Variants in NKAIN2 observed in about 807,000 individuals in gnomAD.
NKAIN2 encodes the protein sodium/potassium-transporting ATPase subunit beta-1-interacting protein 2.
NKAIN2 carries 14 observed loss-of-function variants against 32.6 expected under a neutral mutation model. That is an observed-to-expected ratio of 0.43 (90% CI 0.28 to 0.67). The LOEUF (loss-of-function observed/expected upper bound fraction) is 0.67, where lower values mean the gene tolerates loss of function less well. Ranked by LOEUF, NKAIN2 falls within the 30% of genes least tolerant of loss-of-function variation. The probability of loss-of-function intolerance (pLI) is 0.17; values close to 1 mark genes in which losing one functional copy is unlikely to be tolerated. For synonymous variants in NKAIN2, 80 were observed against 87.2 expected (o/e 0.92, Z 0.46); for missense variants, 198 against 258.3 (o/e 0.77, Z 1.60).
At chr6:124,390,791 C>G (rs1583174220) in intron 3 of NKAIN2, 3 of 152,170 alleles carry the variant, frequency 2.0e-5, no homozygotes, top group East Asian at 3.9e-4. Context: ...TGGAAGAAAG[C>G]ACCAGAACTG....
At chr6:124,180,270 A>T (rs903683531) in intron 1 of NKAIN2, among the ~76,000 whole-genome samples, 12 of 152,188 alleles carry the variant, frequency 7.9e-5, no homozygotes, top group African/African-American at 2.7e-4. Context: ...ACAATCCCAC[A>T]TGGCTGGGAA....
intron 3 of NKAIN2, among the ~76,000 whole-genome samples, chr6:124,639,712 A>G (rs1783914938): frequency 6.6e-6 from 1 of 152,188 alleles, no homozygotes; most frequent in African/African-American, 2.4e-5. Context: ...ATTCATGAAA[A>G]CATGGATGAG....
At chr6:124,778,772 G>A (rs1779097991) in intron 4 of NKAIN2, among the ~76,000 whole-genome samples, 3 of 151,788 alleles carry the variant, frequency 2.0e-5, no homozygotes, top group South Asian at 4.2e-4. Context: ...CTCAACCTCT[G>A]CCTGCTTAAA....
At chr6:124,218,415 C>G (rs1791603702) in intron 1 of NKAIN2, among the ~76,000 whole-genome samples, 1 of 151,982 alleles carries the variant, frequency 6.6e-6, no homozygotes, top group African/African-American at 2.4e-5. Flanking sequence ...TGAATTTATT[C>G]TCATATAAAT....
chr6:124,763,229 G>T (rs1349583765), intron 4 of NKAIN2, among the ~76,000 whole-genome samples: 1 of 152,188 alleles, frequency 6.6e-6, no homozygotes, highest in East Asian at 1.9e-4. Flanking sequence ...GTACAACATG[G>T]TGACTATATG....
intron 3 of NKAIN2, among the ~76,000 whole-genome samples, chr6:124,592,407 A>G (rs1781944553): frequency 6.6e-6 from 1 of 152,186 alleles, no homozygotes; most frequent in Non-Finnish European, 1.5e-5. Flanking sequence ...GAAAGAATTG[A>G]GGAACCCCTT....
chr6:124,157,467 G>A (rs1455717085), intron 1 of NKAIN2, among the ~76,000 whole-genome samples: 3 of 152,080 alleles, frequency 2.0e-5, no homozygotes, highest in Admixed American at 1.3e-4. Context: ...TAGCGCTATT[G>A]CTTTATTTTG....
chr6:124,184,315 C>T (rs1484273280), intron 1 of NKAIN2, among the ~76,000 whole-genome samples: 1 of 151,918 alleles, frequency 6.6e-6, no homozygotes, highest in African/African-American at 2.4e-5. Context: ...GCTCCCAGAC[C>T]ATTTTGTAAC....
chr6:123,847,462 A>G (rs1562216375), intron 1 of NKAIN2, among the ~76,000 whole-genome samples: 1 of 152,154 alleles, frequency 6.6e-6, no homozygotes, highest in South Asian at 2.1e-4. Context: ...TCTGCTTGGA[A>G]TTAGAAGACT....
chr6:123,809,191 T>C (rs1039524457), intron 1 of NKAIN2, among the ~76,000 whole-genome samples: 96 of 152,146 alleles, frequency 6.3e-4, no homozygotes, highest in African/African-American at 2.1e-3. Context: ...AACACACACA[T>C]AGGAAAAATA....
At chr6:124,726,697 G>A (rs1279401012) in intron 4 of NKAIN2, among the ~76,000 whole-genome samples, 41 of 145,116 alleles carry the variant, frequency 2.8e-4, no homozygotes, top group Non-Finnish European at 4.6e-4. Flanking sequence ...ATGGAACAAA[G>A]CTGGATGGAG....
intron 1 of NKAIN2, among the ~76,000 whole-genome samples, chr6:123,920,689 A>G (rs975959225): frequency 1.3e-5 from 2 of 152,156 alleles, no homozygotes; most frequent in East Asian, 1.9e-4. Flanking sequence ...CTACATTCAC[A>G]TTTTGGCTAC....
At chr6:124,327,275 A>G (rs1206651880) in intron 2 of NKAIN2, among the ~76,000 whole-genome samples, 1 of 152,166 alleles carries the variant, frequency 6.6e-6, no homozygotes, top group Non-Finnish European at 1.5e-5. Flanking sequence ...AGTGTGAGCC[A>G]GAAGTAGTAG....
chr6:124,743,681 C>G (rs1777327629), intron 4 of NKAIN2, among the ~76,000 whole-genome samples: 2 of 151,848 alleles, frequency 1.3e-5, no homozygotes, highest in Admixed American at 1.3e-4. Flanking sequence ...CCTATAAATT[C>G]CATGACCTTT....
At chr6:124,413,667 T>C (rs1774326183) in intron 3 of NKAIN2, among the ~76,000 whole-genome samples, 1 of 152,182 alleles carries the variant, frequency 6.6e-6, no homozygotes, top group South Asian at 2.1e-4. Context: ...ATATTAAGTG[T>C]TCTGGACTAT....
intron 4 of NKAIN2, among the ~76,000 whole-genome samples, chr6:124,753,756 A>G (rs1777834117): frequency 6.6e-6 from 1 of 152,032 alleles, no homozygotes; most frequent in African/African-American, 2.4e-5. Flanking sequence ...AGAAGCTGGA[A>G]TTGTTTATTG....
intron 4 of NKAIN2, among the ~76,000 whole-genome samples, chr6:124,775,181 A>C (rs1778932880): frequency 6.6e-6 from 1 of 152,182 alleles, no homozygotes; most frequent in African/African-American, 2.4e-5. Flanking sequence ...TGAACTATTG[A>C]GTATTCATTG....
At chr6:124,604,860 C>T (rs886808074) in intron 3 of NKAIN2, among the ~76,000 whole-genome samples, 1 of 151,928 alleles carries the variant, frequency 6.6e-6, no homozygotes, top group Non-Finnish European at 1.5e-5. Flanking sequence ...TTCCCTACAA[C>T]AAAGCATCGT....
At chr6:124,090,369 A>T (rs1020572129) in intron 1 of NKAIN2, among the ~76,000 whole-genome samples, 7 of 152,046 alleles carry the variant, frequency 4.6e-5, no homozygotes, top group Non-Finnish European at 8.8e-5. Context: ...AAAAGTTGAC[A>T]TGTGGGTTGG....
Sources: gnomAD v4.1 joint callset for allele counts (sites outside exome capture counted in the v4.1 genomes callset) on GRCh38, gnomAD v4.1.1 for gene constraint, MANE v1.5 for transcripts, NCBI Gene and HGNC (gene_info 2026-07-23, HGNC 2026-07-21) for gene names.